PEAK3: variants seen among roughly 807,000 people sequenced by gnomAD.
PEAK3 encodes protein PEAK3.
PEAK3 carries 15 observed loss-of-function variants against 13.3 expected under a neutral mutation model. The ratio of observed to expected loss-of-function variants is 1.13; its 90% CI spans 0.75 to 1.73. PEAK3 has a LOEUF of 1.73. Among genes scored for constraint, PEAK3 ranks in the 40% most tolerant of loss-of-function variants. PEAK3 has a pLI of 0.00. For missense variants in PEAK3, 739 were observed against 690.2 expected (o/e 1.07, Z -0.79); for synonymous variants, 347 against 341.9 (o/e 1.01, Z -0.17).
At chr19:2,276,528 G>GC in intron 3 of PEAK3, 39 bp from the exon 4 acceptor site, 2 of 1,443,888 alleles carry the variant, frequency 1.4e-6, no homozygotes, top group Non-Finnish European at 9.1e-7. Context: ...GGATCACTGG[G>GC]CCCCCCACAA....
chr19:2,275,707 G>T lies in PEAK3; in HGVS notation c.1395C>A (p.Gly465=). The T allele has an allele frequency of 6.5e-7, 1 of 1,531,292 alleles. No homozygotes were observed. 94.9% of individuals were successfully genotyped at this position (1,531,292 alleles called of 1,614,324 possible). Residue 465 remains glycine, a synonymous_variant, in exon 4 of 4, where the codon GGC becomes GGA. Coordinates refer to ENST00000342063, the MANE Select transcript of PEAK3 (RefSeq NM_198532.3). ...AGTCCCACAGCAGCGCCAGGGCCTG[G>T]CCCATCGAGGACTCGGTGGCCTCGG... ...YLAEATESSM[G]QALALLWD
Position 2,276,518 on chromosome 19 carries a change from G to C in PEAK3, c.613-29C>G, listed in dbSNP as rs1455060885. The C allele has an allele frequency of 6.2e-6, 9 of 1,455,934 alleles. No individual in the cohort carries two copies. In the East Asian group the frequency reaches 2.1e-4, roughly 35 times the overall value. 90.2% of individuals were successfully genotyped at this position (1,455,934 alleles called of 1,614,324 possible). On this transcript the variant is annotated intron_variant, in intron 3 of 3. Transcript: ENST00000342063. The stretch of plus-strand genomic sequence containing the variant: ...CAAGGCAGAGGGGGTGTCGGGGCCT[G>C]GATCACTGGGCCCCCCACAAGCACC...
Position 2,278,900 on chromosome 19 carries a change from C to A in PEAK3, c.296G>T (p.Ser99Ile). The change falls in exon 3 of 4, where the codon AGC (serine) becomes ATC (isoleucine). Residue 99 changes from serine (S) to isoleucine (I), a missense_variant. Coordinates refer to ENST00000342063, the MANE Select transcript of PEAK3 (RefSeq NM_198532.3). The stretch of plus-strand genomic sequence containing the variant: ...ACAGGCTGGTCCCACTGCAGCCTGG[C>A]TCTTGTCCACACTGTGGGACCCCAG... ...PFLGSHSVDKSQAAVGPACLP... is the reference protein window; with the variant it reads ...PFLGSHSVDKIQAAVGPACLP... 2 of 1,598,598 alleles carry A rather than the reference C, an allele frequency of 1.3e-6. No homozygotes were observed. The highest frequency in any genetic ancestry group is 2.3e-5 in the East Asian group (1 of 44,186).
In PEAK3 at chr19:2,276,480, G is replaced by A. The variant is rs767863906; in HGVS notation, c.622C>T (p.Pro208Ser). The A allele has an allele frequency of 2.6e-6, 4 of 1,536,496 alleles. No individual in the cohort carries two copies. In the East Asian group the frequency reaches 6.9e-5, roughly 26 times the overall value. Residue 208 changes from proline (P) to serine (S), a missense_variant, in exon 4 of 4, where the codon CCC (proline) becomes TCC (serine). Pro to Ser is a moderately conservative substitution (Grantham distance 74, BLOSUM62 -1). Coordinates refer to ENST00000342063, the MANE Select transcript of PEAK3 (RefSeq NM_198532.3). ...WHILVAKVPK[P>S]GADVPHPWGL... ...CACGGGTGGGGCACGTCCGCCCCGG[G>A]CTTGGGCACCTGCAAGGCAGAGGGG...
At chr19:2,278,415 C>G (rs1343898366) in intron 3 of PEAK3, among the ~76,000 whole-genome samples, 169 bp downstream of exon 3, 1 of 143,370 alleles carries the variant, frequency 7.0e-6, no homozygotes, top group Admixed American at 7.2e-5. Flanking sequence ...CCCGCCTTGG[C>G]CTCCCAAAGT....
Position 2,278,685 on chromosome 19 carries a change from A to G in PEAK3, c.511T>C (p.Phe171Leu), listed in dbSNP as rs747461219. The change falls in exon 3 of 4, where the codon TTC (phenylalanine) becomes CTC (leucine). Residue 171 changes from phenylalanine (F) to leucine (L), a missense_variant. Transcript: ENST00000342063. Reference sequence around the variant, plus strand: ...CAGGGTGAGCTGTCTAGGAGGCGGAAGCTGTGGCCGGGGTGGCAGGGCCCG... The same window carrying G: ...CAGGGTGAGCTGTCTAGGAGGCGGAGGCTGTGGCCGGGGTGGCAGGGCCCG... Reference protein sequence around the residue: ...HPGPCHPGHSFRLLDSSPCAE... With the variant: ...HPGPCHPGHSLRLLDSSPCAE... 6 of 1,525,470 alleles carry G rather than the reference A, an allele frequency of 3.9e-6. No individual in the cohort carries two copies. Among genetic ancestry groups the G allele is most frequent in the Non-Finnish European group, 5.3e-6 (6 of 1,136,440 alleles). 94.5% of individuals were successfully genotyped at this position (1,525,470 alleles called of 1,614,324 possible). A position where few individuals can be genotyped will look rare whatever the true frequency, so the allele number is the denominator to read the frequency against.
Position 2,276,037 on chromosome 19 carries a change from G to A in PEAK3, c.1065C>T (p.Leu355=). ...PGPHAPQLGS[L]LRALLSLAAP... ...CAGCAAGGCTGAGCAGCGCTCGGAG[G>A]AGGCTGCCCAGCTGCGGCGCGTGGG... Residue 355 remains leucine (L), a synonymous_variant, in exon 4 of 4, where the codon CTC becomes CTT. Coordinates refer to ENST00000342063, the MANE Select transcript of PEAK3 (RefSeq NM_198532.3). The A allele has an allele frequency of 5.6e-6, 8 of 1,436,914 alleles. No individual in the cohort carries two copies. The highest frequency in any genetic ancestry group is 7.3e-6 in the Non-Finnish European group (8 of 1,098,820). 89.0% of individuals were successfully genotyped at this position (1,436,914 alleles called of 1,614,324 possible).
At chr19:2,279,163 G>A (rs757179607) in intron 2 of PEAK3, 50 bp from the exon 3 acceptor site, 33 of 1,339,270 alleles carry the variant, frequency 2.5e-5, no homozygotes, top group Admixed American at 3.2e-5. Context: ...GAGTGGGAAC[G>A]GGACACGTGA....
intron 3 of PEAK3, among the ~76,000 whole-genome samples, chr19:2,277,628 C>A (rs139187292): frequency 6.7e-6 from 1 of 149,794 alleles, no homozygotes; most frequent in Non-Finnish European, 1.5e-5. Flanking sequence ...GCCCAATTTT[C>A]GAATCTCAGC....
At position 2,276,202 on chromosome 19, in the gene PEAK3, C is replaced by G. The variant is rs1261684600; in HGVS notation, c.900G>C (p.Ala300=). 2 of 1,561,442 alleles carry G rather than the reference C, an allele frequency of 1.3e-6. No homozygotes were observed. Among genetic ancestry groups the G allele is most frequent in the South Asian group, 1.2e-5 (1 of 85,858 alleles). The change falls in exon 4 of 4, where the codon GCG becomes GCC. Residue 300 remains alanine (A), a synonymous_variant. Coordinates refer to ENST00000342063, the MANE Select transcript of PEAK3 (RefSeq NM_198532.3). The stretch of plus-strand genomic sequence containing the variant: ...TCTCCGGCCGCAACTCGACTAGGGC[C>G]GCGCCCCACGCCTCCAGGAACTTCA... The part of the protein sequence containing the change: ...AALKFLEAWG[A]ALVELRPENL...
Position 2,276,094 on chromosome 19 carries a change from C to T in PEAK3, c.1008G>A (p.Leu336=). ...LLLTDFGRVC[L]QPPGPPGSPG... is the part of the protein sequence containing the mutation. Reference sequence around the variant, plus strand: ...GGGATCCCGGGGGTCCAGGGGGCTGCAGACAGACGCGGCCAAAGTCAGTGA... The same window carrying T: ...GGGATCCCGGGGGTCCAGGGGGCTGTAGACAGACGCGGCCAAAGTCAGTGA... The change falls in exon 4 of 4, where the codon CTG becomes CTA. Residue 336 remains leucine (L), a synonymous_variant. Coordinates refer to ENST00000342063, the MANE Select transcript of PEAK3 (RefSeq NM_198532.3). 3.3e-6 allele frequency: 5 copies of T among 1,499,856 alleles called. No homozygotes were observed. Among genetic ancestry groups the T allele is most frequent in the East Asian group, 2.5e-5 (1 of 39,462 alleles). The allele number at this position is 1,499,856 out of a possible 1,614,324, so 92.9% of individuals were successfully genotyped here.
At chr19:2,277,570 C>G (rs2025402078) in intron 3 of PEAK3, among the ~76,000 whole-genome samples, 1 of 151,470 alleles carries the variant, frequency 6.6e-6, no homozygotes, top group African/African-American at 2.4e-5. Context: ...TTTTGTTTTT[C>G]TTTTTTGAGA....
At chr19:2,280,635 C>G (rs966222883) in intron 2 of PEAK3, among the ~76,000 whole-genome samples, 1 of 152,156 alleles carries the variant, frequency 6.6e-6, no homozygotes, top group Non-Finnish European at 1.5e-5. Flanking sequence ...CAGGCGTGAG[C>G]CACCACGCCC....
In PEAK3 at chr19:2,276,233, G is replaced by A. The variant is rs751895128; in HGVS notation, c.869C>T (p.Ala290Val). 51 of 1,580,810 alleles carry A rather than the reference G, an allele frequency of 3.2e-5. No homozygotes were observed. In the Middle Eastern group the frequency reaches 5.0e-4, roughly 15 times the overall value. ...CCACGCCTCCAGGAACTTCAGGGCC[G>A]CGCTCAGCTGCAGCAGCAGCAGGGC... ...AVALLLLQLS[A>V]ALKFLEAWGA... Residue 290 changes from alanine to valine, a missense_variant, in exon 4 of 4, where the codon GCG (alanine) becomes GTG (valine). By Grantham distance (64) the Ala-to-Val change is moderately conservative. Transcript: ENST00000342063.
At position 2,276,056 on chromosome 19, in the gene PEAK3, G is replaced by T. The variant is rs780973877; in HGVS notation, c.1046C>A (p.Ala349Glu). 3 of 1,448,876 alleles carry T rather than the reference G, an allele frequency of 2.1e-6. No homozygotes were observed. Among genetic ancestry groups the T allele is most frequent in the Non-Finnish European group, 2.7e-6 (3 of 1,102,096 alleles). The allele number at this position is 1,448,876 out of a possible 1,614,324, so 89.8% of individuals were successfully genotyped here. A position where few individuals can be genotyped will look rare whatever the true frequency, so the allele number is the denominator to read the frequency against. ...PGPPGSPGPH[A>E]PQLGSLLRAL... ...TCGGAGGAGGCTGCCCAGCTGCGGC[G>T]CGTGGGGGCCCGGGGATCCCGGGGG... Residue 349 changes from alanine to glutamate, a missense_variant, in exon 4 of 4, where the codon GCG becomes GAG. Transcript: ENST00000342063.
chr19:2,276,598 C>G (rs561206085), intron 3 of PEAK3, 109 bp from the exon 4 acceptor site: 29 of 924,852 alleles, frequency 3.1e-5, no homozygotes, highest in Non-Finnish European at 3.9e-5. Context: ...CCAAACTGCC[C>G]CCACTACGGC....
intron 3 of PEAK3, 131 bp downstream of exon 3, chr19:2,278,453 G>A (rs527880322): frequency 1.5e-5 from 16 of 1,092,200 alleles, no homozygotes; most frequent in East Asian, 6.3e-5. Flanking sequence ...GAGCCACCGC[G>A]CCCGGCTCCA....
intron 3 of PEAK3, among the ~76,000 whole-genome samples, chr19:2,276,760 C>CG (rs2025394389): frequency 6.6e-6 from 1 of 152,162 alleles, no homozygotes; most frequent in Non-Finnish European, 1.5e-5. Flanking sequence ...CGCGGTGGCT[C>CG]ACGCCTTCCC....
chr19:2,279,055 G>A lies in PEAK3; in HGVS notation c.141C>T (p.Ser47=), dbSNP rs772306567. 6 of 1,490,788 alleles carry A rather than the reference G, an allele frequency of 4.0e-6. No individual in the cohort carries two copies. In the African/African-American group the frequency reaches 7.0e-5, roughly 17 times the overall value. 92.3% of individuals were successfully genotyped at this position (1,490,788 alleles called of 1,614,324 possible). A position where few individuals can be genotyped will look rare whatever the true frequency, so the allele number is the denominator to read the frequency against. ...GCAGGGGCTCTGGGTTGGTGGAGAG[G>A]GACCCAGGGGTCCGGAGGCGGCAGG... The part of the protein sequence containing the change: ...SKACRLRTPG[S]LSTNPEPLPP... Residue 47 remains serine (S), a synonymous_variant, in exon 3 of 4, where the codon TCC becomes TCT. Transcript: ENST00000342063.
Sources: gnomAD v4.1 joint callset for allele counts (sites outside exome capture counted in the v4.1 genomes callset) on GRCh38, gnomAD v4.1.1 for gene constraint, MANE v1.5 for transcripts, NCBI Gene and HGNC (gene_info 2026-07-23, HGNC 2026-07-21) for gene names.